KLF6: variants seen among roughly 807,000 people sequenced by gnomAD.
KLF6 encodes Krueppel-like factor 6.
For missense variants in KLF6, 233 were observed against 359.8 expected (o/e 0.65, Z 2.85); for synonymous variants, 152 against 147.9 (o/e 1.03, Z -0.20).
chr10:3,784,842 G>A (rs1047490918), intron 1 of KLF6, 71 bp downstream of exon 1: 15 of 1,465,156 alleles, frequency 1.0e-5, no homozygotes, highest in Non-Finnish European at 1.2e-5. Context: ...AGAGCACCGG[G>A]TCTGAACCCC....
Position 3,785,067 on chromosome 10 carries a change from T to C in KLF6, c.-53A>G, listed in dbSNP as rs753526978. 2 of 1,605,254 alleles carry C rather than the reference T, an allele frequency of 1.2e-6. No homozygotes were observed. The highest frequency in any genetic ancestry group is 2.2e-5 in the South Asian group (2 of 90,622). ...GTCGCGAGGGCGGCGAGGCGCGCGG[T>C]GGGAGCCGGAGCCGAAAGTCTCCCC... On this transcript the variant is annotated 5_prime_UTR_variant, in exon 1 of 4. Coordinates refer to ENST00000497571, the MANE Select transcript of KLF6 (RefSeq NM_001300.6).
At position 3,781,340 on chromosome 10, in the gene KLF6, G is replaced by A; in HGVS notation, c.676+301C>T. ...CACTGGTGAAGGGGCAGTGGCCTCG[G>A]ATCCCCAGCACTACTAAGGGGTGGG... On this transcript the variant is annotated intron_variant, in intron 2 of 3. Coordinates refer to ENST00000497571, the MANE Select transcript of KLF6 (RefSeq NM_001300.6). The surrounding 1 kb of genome is among the most constrained non-coding windows in gnomAD (Gnocchi z 5.8). 1.6e-6 allele frequency: 2 copies of A among 1,284,384 alleles called. No homozygotes were observed. Among genetic ancestry groups the A allele is most frequent in the Non-Finnish European group, 2.1e-6 (2 of 962,040 alleles). 79.6% of individuals were successfully genotyped at this position (1,284,384 alleles called of 1,614,324 possible). A position where few individuals can be genotyped will look rare whatever the true frequency, so the allele number is the denominator to read the frequency against.
chr10:3,782,670 A>C lies in KLF6; in HGVS notation c.103-456T>G, dbSNP rs527241428. ...CACCCTTCACACTCCACAGATACCC[A>C]CACAGGACAGAAAGACTGCACGGCA... On this transcript the variant is annotated intron_variant, in intron 1 of 3. Coordinates refer to ENST00000497571, the MANE Select transcript of KLF6 (RefSeq NM_001300.6). This position sits in a 1 kb window ranked among gnomAD's most constrained non-coding sequence, Gnocchi z 4.3. Among the ~76,000 whole-genome samples, 13 of 152,334 alleles carry C rather than the reference A, an allele frequency of 8.5e-5. No homozygotes were observed. The South Asian group carries it at 2.5e-3, about 29-fold the overall frequency.
In KLF6 at chr10:3,780,253, C is replaced by G; in HGVS notation, c.677-24G>C. 5 of 1,612,558 alleles carry G rather than the reference C, an allele frequency of 3.1e-6. No homozygotes were observed. Among genetic ancestry groups the G allele is most frequent in the Non-Finnish European group, 4.2e-6 (5 of 1,179,998 alleles). On this transcript the variant is annotated intron_variant, in intron 2 of 3. Coordinates refer to ENST00000497571, the MANE Select transcript of KLF6 (RefSeq NM_001300.6). This position sits in a 1 kb window ranked among gnomAD's most constrained non-coding sequence, Gnocchi z 4.6. ...TCCTGGGGAGAGAGCACAGGACAAG[C>G]AGCCCATGACTTCACTGACCCGCAG...
chr10:3,783,576 G>A (rs887470915), intron 1 of KLF6, among the ~76,000 whole-genome samples: 1 of 152,068 alleles, frequency 6.6e-6, no homozygotes. Context: ...GCAAGCACAC[G>A]GGAGAATCAT....
At position 3,777,426 on chromosome 10, in the gene KLF6, A is replaced by G. The variant is rs1388794660; in HGVS notation, c.*2113T>C. The G allele has an allele frequency of 2.0e-6, 1 of 510,584 alleles. No homozygotes were observed. Among genetic ancestry groups the G allele is most frequent in the African/African-American group, 1.9e-5 (1 of 52,662 alleles). The allele number at this position is 510,584 out of a possible 1,614,324, so 31.6% of individuals were successfully genotyped here. A position where few individuals can be genotyped will look rare whatever the true frequency, so the allele number is the denominator to read the frequency against. The stretch of plus-strand genomic sequence containing the variant: ...GCTTACTCTTAGGTTAGATCTTCTA[A>G]TAAGGCTGAAATTCAAAATCAAAAC... On this transcript the variant is annotated 3_prime_UTR_variant, in exon 4 of 4. Transcript: ENST00000497571.
intron 1 of KLF6, among the ~76,000 whole-genome samples, chr10:3,784,493 A>G (rs1230916821): frequency 6.6e-6 from 1 of 152,202 alleles, no homozygotes; most frequent in Non-Finnish European, 1.5e-5. Flanking sequence ...GAGCTGGTCT[A>G]CGTTCTGGGG....
intron 1 of KLF6, chr10:3,783,143 C>T (rs1832568461): frequency 1.3e-5 from 2 of 152,180 alleles, no homozygotes; most frequent in South Asian, 4.1e-4. Context: ...CATCAGCAGC[C>T]AAATAAGGAC....
At chr10:3,784,261 A>C (rs1832597041) in intron 1 of KLF6, among the ~76,000 whole-genome samples, 1 of 152,190 alleles carries the variant, frequency 6.6e-6, no homozygotes, top group African/African-American at 2.4e-5. Flanking sequence ...TCGGAAACCG[A>C]GGTCCTTCTT....
rs1342596115 is a variant in KLF6, at chr10:3,777,219, T to C, written c.*2320A>G. ...CAGCCCAGCCAGACTCACATGTGTG[T>C]ATATATATATAAAGCAAAGAGCCAC... On this transcript the variant is annotated 3_prime_UTR_variant, in exon 4 of 4. Coordinates refer to ENST00000497571, the MANE Select transcript of KLF6 (RefSeq NM_001300.6). 6 of 508,000 alleles carry C rather than the reference T, an allele frequency of 1.2e-5. No homozygotes were observed. Among genetic ancestry groups the C allele is most frequent in the African/African-American group, 1.1e-4 (6 of 52,202 alleles). The allele number at this position is 508,000 out of a possible 1,614,324, so 31.5% of individuals were successfully genotyped here. A position where few individuals can be genotyped will look rare whatever the true frequency, so the allele number is the denominator to read the frequency against.
intron 1 of KLF6, chr10:3,783,097 C>T (rs1357623538): frequency 6.6e-6 from 1 of 152,244 alleles, no homozygotes; most frequent in African/African-American, 2.4e-5. Context: ...TGATTTCTTT[C>T]ACGCAATGCC....
Position 3,780,114 on chromosome 10 carries a change from G to A in KLF6, c.792C>T (p.His264=). The change falls in exon 3 of 4, where the codon CAC becomes CAT. Residue 264 remains histidine, a synonymous_variant. Coordinates refer to ENST00000497571, the MANE Select transcript of KLF6 (RefSeq NM_001300.6). This position sits in a 1 kb window ranked among gnomAD's most constrained non-coding sequence, Gnocchi z 4.6. ...HTGAKPFKCS[H]CDRCFSRSDH... ...TGTCCTCAGGCACGTACCTGTCACA[G>A]TGGGAGCATTTAAAAGGCTTGGCCC... 1.2e-6 allele frequency: 2 copies of A among 1,614,218 alleles called. No individual in the cohort carries two copies. Among genetic ancestry groups the A allele is most frequent in the Non-Finnish European group, 8.5e-7 (1 of 1,180,034 alleles).
Position 3,781,586 on chromosome 10 carries a change from G to T in KLF6, c.676+55C>A, listed in dbSNP as rs1053961825. 22 of 1,602,290 alleles carry T rather than the reference G, an allele frequency of 1.4e-5. No individual in the cohort carries two copies. Among genetic ancestry groups the T allele is most frequent in the Non-Finnish European group, 1.8e-5 (21 of 1,174,504 alleles). On this transcript the variant is annotated intron_variant, in intron 2 of 3. Transcript: ENST00000497571. The surrounding 1 kb of genome is among the most constrained non-coding windows in gnomAD (Gnocchi z 5.8). ...AGGCCCGGCTCCCTCCAGGGCTGGTGCAATGCAGTGGCGCCCACCAGCGGC... is the reference window on the plus strand; with the variant it reads ...AGGCCCGGCTCCCTCCAGGGCTGGTTCAATGCAGTGGCGCCCACCAGCGGC...
Position 3,779,161 on chromosome 10 carries a change from T to C in KLF6, c.*378A>G, listed in dbSNP as rs1314503637. 5.5e-6 allele frequency: 3 copies of C among 545,624 alleles called. No homozygotes were observed. 33.8% of individuals were successfully genotyped at this position (545,624 alleles called of 1,614,324 possible). A position where few individuals can be genotyped will look rare whatever the true frequency, so the allele number is the denominator to read the frequency against. On this transcript the variant is annotated 3_prime_UTR_variant, in exon 4 of 4. Coordinates refer to ENST00000497571, the MANE Select transcript of KLF6 (RefSeq NM_001300.6). ...CACACAAAACATTCAAACTACTTTT[T>C]TTCCATCTCTTGCAGTCTTGCTAAC...
Position 3,777,851 on chromosome 10 carries a change from T to C in KLF6, c.*1688A>G. ...TTTTTTAAAAAAGTAGTATACTTTC[T>C]GTATTACCAACAGATAGCTAGACAG... On this transcript the variant is annotated 3_prime_UTR_variant, in exon 4 of 4. Transcript: ENST00000497571. 2.1e-6 allele frequency: 1 copy of C among 484,746 alleles called. No individual in the cohort carries two copies. Among genetic ancestry groups the C allele is most frequent in the East Asian group, 4.8e-5 (1 of 20,692 alleles). 30.0% of individuals were successfully genotyped at this position (484,746 alleles called of 1,614,324 possible).
rs752110682 is a variant in KLF6 at position 3,777,749 on chromosome 10, C to CTA, written c.*1788_*1789dup. 1 of 272,098 alleles carries CTA rather than the reference C, an allele frequency of 3.7e-6. No individual in the cohort carries two copies. Among genetic ancestry groups the CTA allele is most frequent in the Non-Finnish European group, 7.0e-6 (1 of 143,496 alleles). 16.9% of individuals were successfully genotyped at this position (272,098 alleles called of 1,614,324 possible). ...CTTAAAAAAAATATTTATATATTAT[C>CTA]TATATATATAATATATATATATACA... On this transcript the variant is annotated 3_prime_UTR_variant, in exon 4 of 4. Transcript: ENST00000497571.
At position 3,779,299 on chromosome 10, in the gene KLF6, C is replaced by T. The variant is rs753024057; in HGVS notation, c.*240G>A. 8 of 656,936 alleles carry T rather than the reference C, an allele frequency of 1.2e-5. No individual in the cohort carries two copies. Among genetic ancestry groups the T allele is most frequent in the South Asian group, 4.5e-5 (3 of 66,250 alleles). The allele number at this position is 656,936 out of a possible 1,614,324, so 40.7% of individuals were successfully genotyped here. On this transcript the variant is annotated 3_prime_UTR_variant, in exon 4 of 4. Transcript: ENST00000497571. ...ATGCTCACGGCAAAGGCTTAGGCGC[C>T]GCTCGGAAGGGCGGGTACCAGTGGC...
In KLF6 at chr10:3,785,063, G is replaced by A. The variant is rs1488870936; in HGVS notation, c.-49C>T. 1.9e-6 allele frequency: 3 copies of A among 1,606,890 alleles called. No individual in the cohort carries two copies. Among genetic ancestry groups the A allele is most frequent in the Non-Finnish European group, 2.5e-6 (3 of 1,177,340 alleles). On this transcript the variant is annotated 5_prime_UTR_variant, in exon 1 of 4. Coordinates refer to ENST00000497571, the MANE Select transcript of KLF6 (RefSeq NM_001300.6). Reference sequence around the variant, plus strand: ...CGCGGTCGCGAGGGCGGCGAGGCGCGCGGTGGGAGCCGGAGCCGAAAGTCT... The same window carrying A: ...CGCGGTCGCGAGGGCGGCGAGGCGCACGGTGGGAGCCGGAGCCGAAAGTCT...
In KLF6 at chr10:3,782,334, A is replaced by C. The variant is rs1832548738; in HGVS notation, c.103-120T>G. The C allele has an allele frequency of 1.2e-6, 1 of 800,592 alleles. No individual in the cohort carries two copies. The highest frequency in any genetic ancestry group is 2.1e-6 in the Non-Finnish European group (1 of 473,386). The allele number at this position is 800,592 out of a possible 1,614,324, so 49.6% of individuals were successfully genotyped here. A position where few individuals can be genotyped will look rare whatever the true frequency, so the allele number is the denominator to read the frequency against. ...GATAACATTGCTGCCCGGTCACTAC[A>C]GGGGCAAAACCTTTTGTAATTAAGC... On this transcript the variant is annotated intron_variant, in intron 1 of 3. Coordinates refer to ENST00000497571, the MANE Select transcript of KLF6 (RefSeq NM_001300.6). The surrounding 1 kb of genome is among the most constrained non-coding windows in gnomAD (Gnocchi z 4.3).
Sources: gnomAD v4.1 joint callset for allele counts (sites outside exome capture counted in the v4.1 genomes callset) on GRCh38, gnomAD v4.1.1 for gene constraint, Gnocchi (gnomAD v3.1) non-coding constraint, MANE v1.5 for transcripts, NCBI Gene and HGNC (gene_info 2026-07-23, HGNC 2026-07-21) for gene names.